Variants in HDAC9 observed in about 807,000 individuals in gnomAD.
The protein encoded by HDAC9 is histone deacetylase 9, also known as MEF-2 interacting transcription repressor (MITR) protein.
Under a neutral mutation model 139.4 loss-of-function variants are expected in HDAC9, and 41 were observed. The ratio of observed to expected loss-of-function variants is 0.29; its 90% CI spans 0.23 to 0.38. HDAC9 has a LOEUF of 0.38. Among genes scored for constraint, HDAC9 ranks in the 10% least tolerant of loss-of-function variants. The pLI is 1.00. For missense variants in HDAC9, 1,147 were observed against 1,297.0 expected (o/e 0.88, Z 1.78); for synonymous variants, 517 against 476.2 (o/e 1.09, Z -1.12).
At chr7:18,195,538 C>A (rs978281982) in intron 2 of HDAC9, among the ~76,000 whole-genome samples, 1 of 152,086 alleles carries the variant, frequency 6.6e-6, no homozygotes, top group African/African-American at 2.4e-5. Context: ...TCTGAAAAAT[C>A]TTTTGTTCTT....
intron 1 of HDAC9, among the ~76,000 whole-genome samples, chr7:18,297,030 T>A (rs574932194): frequency 6.6e-6 from 1 of 152,244 alleles, no homozygotes; most frequent in African/African-American, 2.4e-5. Flanking sequence ...GCTTGCTCTG[T>A]CTGGGCAATT....
At chr7:18,739,985 C>CCATTGCTG (rs1344901870) in intron 13 of HDAC9, among the ~76,000 whole-genome samples, 2 of 152,214 alleles carry the variant, frequency 1.3e-5, no homozygotes, top group African/African-American at 4.8e-5. Context: ...GGCAGACACC[C>CCATTGCTG]CTTCCCCAGC....
chr7:18,812,425 A>G (rs1227796833), intron 17 of HDAC9, among the ~76,000 whole-genome samples: 2 of 151,910 alleles, frequency 1.3e-5, no homozygotes, highest in Admixed American at 6.6e-5. Flanking sequence ...TTTTCCTTTA[A>G]TCTTTGGTTA....
At chr7:18,181,328 TGATCATGCCTTTAGTA>T (rs1033328112) in intron 2 of HDAC9, among the ~76,000 whole-genome samples, 26 of 152,346 alleles carry the variant, frequency 1.7e-4, no homozygotes, top group African/African-American at 6.3e-4. Context: ...AATAACCCAC[TGATCATGCCTTTAGTA>T]AATTCATTAT....
At chr7:18,945,795 T>C (rs543358550) in intron 23 of HDAC9, among the ~76,000 whole-genome samples, 9 of 151,978 alleles carry the variant, frequency 5.9e-5, no homozygotes, top group Admixed American at 1.3e-4. Flanking sequence ...TCCCAGCACT[T>C]TGGGAGGCCA....
chr7:18,722,838 A>G (rs1785239766), intron 12 of HDAC9, among the ~76,000 whole-genome samples: 1 of 152,212 alleles, frequency 6.6e-6, no homozygotes, highest in Non-Finnish European at 1.5e-5. Flanking sequence ...AAGTTCAAAA[A>G]TGTTTGGCCC....
intron 1 of HDAC9, chr7:18,458,903 T>C: frequency 1.3e-6 from 2 of 1,530,258 alleles, no homozygotes; most frequent in South Asian, 1.2e-5. Flanking sequence ...TCTTCCCAGG[T>C]AGAACCAGAC....
At chr7:18,255,698 G>A (rs147495932) in intron 2 of HDAC9, among the ~76,000 whole-genome samples, 2 of 135,190 alleles carry the variant, frequency 1.5e-5, no homozygotes, top group African/African-American at 2.9e-5. Flanking sequence ...ACGTGATTTC[G>A]GCTCACTGCA....
chr7:18,440,852 T>G (rs1235353424), intron 1 of HDAC9, among the ~76,000 whole-genome samples: 1 of 152,244 alleles, frequency 6.6e-6, no homozygotes, highest in Admixed American at 6.5e-5. Flanking sequence ...ATATATGTCT[T>G]CAAACCTTGA....
chr7:18,991,029 T>A (rs934309028), intron 25 of HDAC9, among the ~76,000 whole-genome samples: 5 of 152,252 alleles, frequency 3.3e-5, no homozygotes, highest in African/African-American at 1.2e-4. Context: ...CTGGGAGCTG[T>A]AGACCGGAGC....
At chr7:18,737,415 G>C (rs559157832) in intron 13 of HDAC9, among the ~76,000 whole-genome samples, 11 of 152,298 alleles carry the variant, frequency 7.2e-5, no homozygotes, top group African/African-American at 2.4e-4. Context: ...ATGTGTCCCA[G>C]AGATTCTGGT....
At chr7:18,143,704 T>C (rs1786079112) in intron 1 of HDAC9, among the ~76,000 whole-genome samples, 1 of 151,020 alleles carries the variant, frequency 6.6e-6, no homozygotes, top group Non-Finnish European at 1.5e-5. Context: ...GAGAATTGCT[T>C]GAACTCAGGA....
At chr7:18,162,444 C>CTTT in intron 2 of HDAC9, 14 of 940,842 alleles carry the variant, frequency 1.5e-5, no homozygotes, top group Non-Finnish European at 1.8e-5. Flanking sequence ...TATGAAGGAA[C>CTTT]TTTTTTTTTT....
chr7:18,102,836 C>T (rs1782937567), intron 1 of HDAC9, among the ~76,000 whole-genome samples: 1 of 152,214 alleles, frequency 6.6e-6, no homozygotes, highest in Admixed American at 6.5e-5. Flanking sequence ...GTGCTGTCTC[C>T]TTTCCCTTCT....
At chr7:18,519,480 G>A (rs755476407) in intron 2 of HDAC9, among the ~76,000 whole-genome samples, 2 of 152,142 alleles carry the variant, frequency 1.3e-5, no homozygotes, top group Middle Eastern at 3.4e-3. Context: ...ATTTACAAAG[G>A]AATAACCAAA....
chr7:18,321,033 G>T (rs1799989649), intron 1 of HDAC9, among the ~76,000 whole-genome samples: 1 of 152,116 alleles, frequency 6.6e-6, no homozygotes, highest in Non-Finnish European at 1.5e-5. Flanking sequence ...CGCCATTTTT[G>T]TAGGCTACGT....
intron 1 of HDAC9, among the ~76,000 whole-genome samples, chr7:18,455,395 A>G (rs1321220799): frequency 3.9e-5 from 6 of 152,154 alleles, no homozygotes; most frequent in African/African-American, 1.4e-4. Flanking sequence ...TAGCCAGGAC[A>G]TTGATTTCAT....
At chr7:18,734,904 T>A (rs551399263) in intron 13 of HDAC9, among the ~76,000 whole-genome samples, 1 of 152,356 alleles carries the variant, frequency 6.6e-6, no homozygotes, top group African/African-American at 2.4e-5. Flanking sequence ...ATCTGTTGTT[T>A]CCTGACTTTT....
At chr7:18,562,071 G>T (rs983313811) in intron 2 of HDAC9, among the ~76,000 whole-genome samples, 2 of 152,028 alleles carry the variant, frequency 1.3e-5, no homozygotes, top group African/African-American at 2.4e-5. Flanking sequence ...GATTTGCATT[G>T]CCCTGAAGAC....
Sources: gnomAD v4.1 joint callset for allele counts (sites outside exome capture counted in the v4.1 genomes callset) on GRCh38, gnomAD v4.1.1 for gene constraint, MANE v1.5 for transcripts, NCBI Gene and HGNC (gene_info 2026-07-23, HGNC 2026-07-21) for gene names.